The following MORC1 variants were observed in gnomAD, a reference collection of about 807,000 sequenced individuals.
MORC1 encodes the protein MORC family CW-type zinc finger 1, also known as MORC family CW-type zinc finger protein 1.
MORC1 carries 59 observed loss-of-function variants against 134.9 expected under a neutral mutation model. The ratio of observed to expected loss-of-function variants is 0.44; its 90% confidence interval spans 0.35 to 0.54. The LOEUF (loss-of-function observed/expected upper bound fraction) is 0.54, where lower values mean the gene tolerates loss of function less well. Among genes scored for constraint, MORC1 ranks in the 20% least tolerant of loss-of-function variants. MORC1 has a pLI of 0.00. For synonymous variants in MORC1, 395 were observed against 391.7 expected (o/e 1.01, Z -0.10); for missense variants, 947 against 1,134.5 (o/e 0.83, Z 2.37).
intron 8 of MORC1, among the ~76,000 whole-genome samples, chr3:109,079,436 T>A (rs1209504563): frequency 2.6e-5 from 4 of 152,008 alleles, no homozygotes; most frequent in African/African-American, 4.8e-5. Context: ...CAGAAAAGAA[T>A]AAGAATCACA....
chr3:109,080,217 G>A (rs1300258705), intron 8 of MORC1, among the ~76,000 whole-genome samples: 1 of 152,118 alleles, frequency 6.6e-6, no homozygotes, highest in East Asian at 1.9e-4. Context: ...CACATGGCTG[G>A]GGAAGCCTCA....
At chr3:108,959,255 T>A in intron 27 of MORC1, 135 bp from the exon 28 acceptor site, 1 of 653,572 alleles carries the variant, frequency 1.5e-6, no homozygotes, top group Non-Finnish European at 2.4e-6. Context: ...ATCATGCTTT[T>A]AACCTTTCAA....
At chr3:109,024,937 C>T (rs1436805942) in intron 17 of MORC1, among the ~76,000 whole-genome samples, 2 of 152,138 alleles carry the variant, frequency 1.3e-5, no homozygotes, top group Non-Finnish European at 2.9e-5. Flanking sequence ...AGAATGAGGA[C>T]AGGAAATTTA....
At chr3:109,013,447 T>C (rs1948744543) in intron 17 of MORC1, among the ~76,000 whole-genome samples, 1 of 152,232 alleles carries the variant, frequency 6.6e-6, no homozygotes, top group African/African-American at 2.4e-5. Flanking sequence ...TGTGACTTAT[T>C]TGAGTCCTTT....
chr3:109,101,128 C>T (rs1214784645), intron 4 of MORC1, among the ~76,000 whole-genome samples: 1 of 152,142 alleles, frequency 6.6e-6, no homozygotes, highest in Non-Finnish European at 1.5e-5. Context: ...CACGGTGTTG[C>T]TGATGAAGAT....
chr3:109,084,822 C>T (rs1950586416), intron 8 of MORC1, among the ~76,000 whole-genome samples: 1 of 151,962 alleles, frequency 6.6e-6, no homozygotes, highest in Non-Finnish European at 1.5e-5. Flanking sequence ...CAGAAGAAGA[C>T]ACAACCCAGA....
Position 108,991,342 on chromosome 3 carries a change from T to C in MORC1, c.2188-4393A>G, listed in dbSNP as rs541359680. ...GCCAAGGTGGTAGCTATGGAGGTGGTAGAATATGTTCTATGTTTAAAGGTT... is the reference window on the plus strand; with the variant it reads ...GCCAAGGTGGTAGCTATGGAGGTGGCAGAATATGTTCTATGTTTAAAGGTT... On this transcript the variant is annotated intron_variant, in intron 21 of 27. Coordinates refer to ENST00000232603, the MANE Select transcript of MORC1 (RefSeq NM_014429.4). Among the ~76,000 whole-genome samples the C allele has an allele frequency of 3.2e-4, 49 of 152,236 alleles. 1 individual carries two copies. The South Asian group carries it at 7.7e-3, about 24-fold the overall frequency.
At chr3:108,996,280 G>GCACACACA (rs1948214250) in intron 21 of MORC1, among the ~76,000 whole-genome samples, 1 of 50,518 alleles carries the variant, frequency 2.0e-5, no homozygotes, top group African/African-American at 6.2e-5. Context: ...GTGCGTGCGC[G>GCACACACA]CGCGCGCACA....
intron 6 of MORC1, among the ~76,000 whole-genome samples, chr3:109,097,086 A>T (rs573409555): frequency 1.3e-5 from 2 of 152,352 alleles, no homozygotes; most frequent in South Asian, 2.1e-4. Flanking sequence ...GCAAGTGACC[A>T]GCACAATGGG....
At chr3:109,007,958 T>C (rs546016024) in intron 17 of MORC1, among the ~76,000 whole-genome samples, 2 of 152,276 alleles carry the variant, frequency 1.3e-5, no homozygotes, top group South Asian at 4.1e-4. Flanking sequence ...TGTGTGTGTG[T>C]GTGTGTATAC....
chr3:109,105,554 C>T (rs1395615261), intron 3 of MORC1, among the ~76,000 whole-genome samples: 2 of 151,606 alleles, frequency 1.3e-5, no homozygotes, highest in Non-Finnish European at 2.9e-5. Context: ...TGGCACATGC[C>T]TCTAGACTTG....
At chr3:109,056,568 A>G (rs1949965716) in intron 13 of MORC1, among the ~76,000 whole-genome samples, 1 of 152,218 alleles carries the variant, frequency 6.6e-6, no homozygotes, top group Non-Finnish European at 1.5e-5. Context: ...ATTTTCATAC[A>G]ATATAAAAAA....
At position 108,979,233 on chromosome 3, in the gene MORC1, G is replaced by T. The variant is rs1165037712; in HGVS notation, c.2477+282C>A. Among the ~76,000 whole-genome samples, 3 of 152,048 alleles carry T rather than the reference G, an allele frequency of 2.0e-5. No homozygotes were observed. In the East Asian group the frequency reaches 5.8e-4, roughly 29 times the overall value. On this transcript the variant is annotated intron_variant, in intron 24 of 27. Coordinates refer to ENST00000232603, the MANE Select transcript of MORC1 (RefSeq NM_014429.4). The stretch of plus-strand genomic sequence containing the variant: ...CAATGTCATAAGAGCCTTTGTTGGG[G>T]AAAAAAGAAAGAAAATTCAGTAAAA...
chr3:108,979,460 C>A lies in MORC1; in HGVS notation c.2477+55G>T, dbSNP rs1206397690. 52 of 1,574,744 alleles carry A rather than the reference C, an allele frequency of 3.3e-5. No individual in the cohort carries two copies. The Admixed American group carries it at 8.9e-4, about 27-fold the overall frequency. ...CAGTAGGGAAAACAACAGGAGTTGTCACTGCTTAGAAAGTTAAACAAAGCA... is the reference window on the plus strand; with the variant it reads ...CAGTAGGGAAAACAACAGGAGTTGTAACTGCTTAGAAAGTTAAACAAAGCA... On this transcript the variant is annotated intron_variant, in intron 24 of 27. Coordinates refer to ENST00000232603, the MANE Select transcript of MORC1 (RefSeq NM_014429.4).
intron 11 of MORC1, 137 bp downstream of exon 11, chr3:109,061,851 G>C: frequency 2.5e-6 from 2 of 811,822 alleles, no homozygotes; most frequent in Non-Finnish European, 4.1e-6. Flanking sequence ...GTTTACCTGA[G>C]TTAAAATCAA....
At chr3:109,040,991 G>A (rs988247603) in intron 14 of MORC1, among the ~76,000 whole-genome samples, 1 of 151,600 alleles carries the variant, frequency 6.6e-6, no homozygotes, top group African/African-American at 2.4e-5. Flanking sequence ...ATCACTAGAG[G>A]GATACAGAGT....
At chr3:108,977,100 A>G (rs974353816) in intron 24 of MORC1, among the ~76,000 whole-genome samples, 2 of 152,174 alleles carry the variant, frequency 1.3e-5, no homozygotes, top group African/African-American at 4.8e-5. Flanking sequence ...CCTAGTGTGA[A>G]GAGAGGGTAT....
intron 24 of MORC1, among the ~76,000 whole-genome samples, chr3:108,978,598 GACCAC>G (rs1280018102): frequency 6.6e-6 from 1 of 152,086 alleles, no homozygotes; most frequent in Non-Finnish European, 1.5e-5. Context: ...TCATAAACAG[GACCAC>G]AGCCTGGGCC....
At chr3:109,052,936 C>G (rs957853146) in intron 14 of MORC1, among the ~76,000 whole-genome samples, 1 of 151,602 alleles carries the variant, frequency 6.6e-6, no homozygotes, top group Admixed American at 6.6e-5. Flanking sequence ...AAAGATAACC[C>G]CATTAAAAAG....
Sources: allele counts gnomAD v4.1 joint callset (sites outside exome capture counted in the v4.1 genomes callset), GRCh38; gene constraint gnomAD v4.1.1; transcripts MANE v1.5; gene names NCBI Gene and HGNC (gene_info 2026-07-23, HGNC 2026-07-21).